RPS6KA2: variants seen among roughly 807,000 people sequenced by gnomAD.
The protein encoded by RPS6KA2 is ribosomal protein S6 kinase alpha-2.
In RPS6KA2, 42 loss-of-function variants were observed where a neutral mutation model predicts 91.8. The observed-to-expected ratio is 0.46, with a 90% CI of 0.36 to 0.59. The LOEUF (loss-of-function observed/expected upper bound fraction) is 0.59. RPS6KA2 is among the 20% of genes least tolerant of loss of function. RPS6KA2 has a pLI of 0.00. For synonymous variants in RPS6KA2, 414 were observed against 393.6 expected, an observed-to-expected ratio of 1.05 and a Z score of -0.61; for missense variants, 798 against 978.5, an observed-to-expected ratio of 0.82 and a Z score of 2.46.
At chr6:166,680,977 C>A (rs532656100) in intron 2 of RPS6KA2, among the ~76,000 whole-genome samples, 3 of 152,204 alleles carry the variant, frequency 2.0e-5, no homozygotes, top group African/African-American at 7.2e-5. Context: ...ACCTGTTTGG[C>A]GTATCGAGTG....
intron 3 of RPS6KA2, among the ~76,000 whole-genome samples, chr6:166,522,805 A>T (rs532913150): frequency 3.4e-3 from 513 of 152,316 alleles, no homozygotes; most frequent in Non-Finnish European, 5.9e-3. Flanking sequence ...CAAACTTTTT[A>T]CAGTGAATTA....
chr6:166,747,014 G>A (rs1017065808), intron 2 of RPS6KA2, among the ~76,000 whole-genome samples: 6 of 152,222 alleles, frequency 3.9e-5, no homozygotes, highest in African/African-American at 1.4e-4. Flanking sequence ...ACGACCCTGC[G>A]GAATCCTCCG....
chr6:166,751,858 AG>A (rs58419486), intron 2 of RPS6KA2, among the ~76,000 whole-genome samples: 6,589 of 152,290 alleles, frequency 0.043, 256 homozygotes, highest in East Asian at 0.23. Flanking sequence ...CTGTGGACCA[AG>A]GACAGCATGG....
chr6:166,695,875 A>AATTCTCATAGGAGCACTAG (rs1789345380), intron 2 of RPS6KA2, among the ~76,000 whole-genome samples: 1 of 147,544 alleles, frequency 6.8e-6, no homozygotes, highest in East Asian at 2.0e-4. Flanking sequence ...AGGAGCACTA[A>AATTCTCATAGGAGCACTAG]ATTCTCATAG....
At chr6:166,484,104 C>T (rs369408547) in intron 10 of RPS6KA2, among the ~76,000 whole-genome samples, 1 of 152,236 alleles carries the variant, frequency 6.6e-6, no homozygotes, top group Non-Finnish European at 1.5e-5. Flanking sequence ...TGCTTTACCA[C>T]TTGACAGGGA....
At chr6:166,663,799 T>G (rs571518473) in intron 2 of RPS6KA2, among the ~76,000 whole-genome samples, 9 of 152,286 alleles carry the variant, frequency 5.9e-5, no homozygotes, top group Non-Finnish European at 1.3e-4. Context: ...GCTTCGGCGC[T>G]GCACCCACCT....
In RPS6KA2 at chr6:166,493,204, C is replaced by T. The variant is rs1781665613; in HGVS notation, c.748-2463G>A. On this transcript the variant is annotated intron_variant, in intron 8 of 20. Coordinates refer to ENST00000265678, the MANE Select transcript of RPS6KA2 (RefSeq NM_021135.6). The surrounding 1 kb of genome is among the most constrained non-coding windows in gnomAD (Gnocchi z 4.7). ...ACCCATGAATATTCAACAACTGCTT[C>T]TTGGTGATGAAGGTGCTGCTGACGG... 6.6e-6 allele frequency among the ~76,000 whole-genome samples: 1 copy of T among 152,122 alleles called. No homozygotes were observed. Among genetic ancestry groups the T allele is most frequent in the African/African-American group, 2.4e-5 (1 of 41,424 alleles).
At chr6:166,644,389 C>G (rs759945190) in intron 2 of RPS6KA2, among the ~76,000 whole-genome samples, 1 of 152,126 alleles carries the variant, frequency 6.6e-6, no homozygotes, top group Non-Finnish European at 1.5e-5. Context: ...GCCTGCTCCC[C>G]CAGTCCATGA....
In RPS6KA2 at chr6:166,862,337, T is replaced by C. The variant is rs555692473; in HGVS notation, c.-167A>G. The C allele has an allele frequency of 7.5e-6, 11 of 1,469,244 alleles. No homozygotes were observed. In the African/African-American group the frequency reaches 1.6e-4, roughly 21 times the overall value. 91.0% of individuals were successfully genotyped at this position (1,469,244 alleles called of 1,614,324 possible). A position where few individuals can be genotyped will look rare whatever the true frequency, so the allele number is the denominator to read the frequency against. On this transcript the variant is annotated 5_prime_UTR_variant, in exon 1 of 22. Transcript: ENST00000503859. ...GGACAGATCCGGCTCCCAGAGGAGG[T>C]CGTGAGCGCGGGGCCTGCGCCGGCC...
In RPS6KA2 at chr6:166,841,907, T is replaced by A. The variant is rs369526309; in HGVS notation, c.123+16293A>T. ...AATTGGTCCCCGCTATGACCAGGAGTTTGTGGTGGCCTCAGGTCTTCCCTA... is the reference window on the plus strand; with the variant it reads ...AATTGGTCCCCGCTATGACCAGGAGATTGTGGTGGCCTCAGGTCTTCCCTA... On this transcript the variant is annotated intron_variant, in intron 2 of 21. Transcript: ENST00000503859. Among the ~76,000 whole-genome samples, 3 of 151,800 alleles carry A rather than the reference T, an allele frequency of 2.0e-5. No individual in the cohort carries two copies. The East Asian group carries it at 5.8e-4, about 30-fold the overall frequency.
chr6:166,571,326 A>G (rs556540866), intron 1 of RPS6KA2, among the ~76,000 whole-genome samples: 10 of 152,378 alleles, frequency 6.6e-5, no homozygotes, highest in Non-Finnish European at 1.0e-4. Flanking sequence ...AGAGAACTAG[A>G]AGAAAGACCA....
intron 1 of RPS6KA2, among the ~76,000 whole-genome samples, chr6:166,568,152 C>G (rs3799612): frequency 0.22 from 33,212 of 152,096 alleles, 4,075 homozygotes; most frequent in Admixed American, 0.27. Context: ...TGACAGGAAT[C>G]TTTAAGAATT....
chr6:166,814,696 T>C (rs1359385516), intron 2 of RPS6KA2, among the ~76,000 whole-genome samples: 1 of 152,236 alleles, frequency 6.6e-6, no homozygotes, highest in Non-Finnish European at 1.5e-5. Flanking sequence ...TAGATTCTCA[T>C]AGGAACATGA....
At chr6:166,789,499 A>C (rs1779025654) in intron 2 of RPS6KA2, among the ~76,000 whole-genome samples, 1 of 152,258 alleles carries the variant, frequency 6.6e-6, no homozygotes, top group Non-Finnish European at 1.5e-5. Flanking sequence ...CCTGTCTGAC[A>C]GCTTTGAAGA....
intron 3 of RPS6KA2, among the ~76,000 whole-genome samples, chr6:166,520,519 G>A (rs1782820514): frequency 6.6e-6 from 1 of 152,182 alleles, no homozygotes; most frequent in African/African-American, 2.4e-5. Flanking sequence ...TCTAAGAAAT[G>A]TATATCCATC....
Position 166,690,043 on chromosome 6 carries a change from C to T in RPS6KA2, c.124-151259G>A, listed in dbSNP as rs546234293. 6.2e-4 allele frequency among the ~76,000 whole-genome samples: 94 copies of T among 152,300 alleles called. 1 individual carries two copies. In the South Asian group the frequency reaches 0.018, roughly 29 times the overall value. On this transcript the variant is annotated intron_variant, in intron 2 of 21. Transcript: ENST00000503859. ...GTCCCGCAATCCCACCGCATGGCTC[C>T]GGTCTAGGGATTGGGTGAGGGGCTC...
chr6:166,534,148 G>T (rs1583250951), intron 2 of RPS6KA2, among the ~76,000 whole-genome samples: 1 of 151,246 alleles, frequency 6.6e-6, no homozygotes, highest in East Asian at 1.9e-4. Flanking sequence ...TGTGAACCCG[G>T]GAGGCGGAGC....
At position 166,770,900 on chromosome 6, in the gene RPS6KA2, G is replaced by A; in HGVS notation, c.123+87300C>T. 6.3e-7 allele frequency: 1 copy of A among 1,597,336 alleles called. No homozygotes were observed. Among genetic ancestry groups the A allele is most frequent in the Non-Finnish European group, 8.5e-7 (1 of 1,179,580 alleles). ...AGCTACCTTTGTCTTGCAGGCAGCT[G>A]AGTCACTTTTGCCCTGTGAAAATGG... is the stretch of plus-strand genomic sequence containing the variant. On this transcript the variant is annotated intron_variant, in intron 2 of 21. Coordinates refer to the RPS6KA2 transcript ENST00000503859. This position sits in a 1 kb window ranked among gnomAD's most constrained non-coding sequence, Gnocchi z 5.1.
chr6:166,666,386 G>A lies in RPS6KA2; in HGVS notation c.124-127602C>T, dbSNP rs753958147. Among the ~76,000 whole-genome samples the A allele has an allele frequency of 1.6e-4, 24 of 152,208 alleles. No homozygotes were observed. Among genetic ancestry groups the A allele is most frequent in the Non-Finnish European group, 2.9e-4 (20 of 68,038 alleles). The stretch of plus-strand genomic sequence containing the variant: ...ACTCAGATCCTGACATTTGTCAGTT[G>A]TGTCAAAATGCTAGAAAGTACCATT... On this transcript the variant is annotated intron_variant, in intron 2 of 21. Coordinates refer to the RPS6KA2 transcript ENST00000503859. The surrounding 1 kb of genome is among the most constrained non-coding windows in gnomAD (Gnocchi z 4.0).
Sources: gnomAD v4.1 joint callset for allele counts (sites outside exome capture counted in the v4.1 genomes callset) on GRCh38, gnomAD v4.1.1 for gene constraint, Gnocchi (gnomAD v3.1) non-coding constraint, MANE v1.5 for transcripts, NCBI Gene and HGNC (gene_info 2026-07-23, HGNC 2026-07-21) for gene names.